Variants in SOHLH2 observed in about 807,000 individuals in gnomAD.
SOHLH2 encodes spermatogenesis and oogenesis specific basic helix-loop-helix 2.
In SOHLH2, 22 loss-of-function variants were observed where a neutral mutation model predicts 50.4. The ratio of observed to expected loss-of-function variants is 0.44; its 90% confidence interval spans 0.31 to 0.62. The LOEUF (loss-of-function observed/expected upper bound fraction) is 0.62, where lower values mean the gene tolerates loss of function less well. SOHLH2 is among the 20% of genes least tolerant of loss of function. SOHLH2 has a pLI of 0.08. For missense variants in SOHLH2, 412 were observed against 504.4 expected, an observed-to-expected ratio of 0.82 and a Z score of 1.76; for synonymous variants, 185 against 187.3, an observed-to-expected ratio of 0.99 and a Z score of 0.10.
chr13:36,168,810 CAA>C lies in SOHLH2; in HGVS notation c.*222_*223del. The C allele has an allele frequency of 1.7e-6, 1 of 593,710 alleles. No individual in the cohort carries two copies. The highest frequency in any genetic ancestry group is 2.6e-6 in the Non-Finnish European group (1 of 380,148). The allele number at this position is 593,710 out of a possible 1,614,324, so 36.8% of individuals were successfully genotyped here. ...TGTAGCTCTCTGGCTGGCGGGGATC[CAA>C]GTGTGTATGAAGATGAGTGACAGTG... On this transcript the variant is annotated 3_prime_UTR_variant, in exon 11 of 11. Coordinates refer to ENST00000379881, the MANE Select transcript of SOHLH2 (RefSeq NM_017826.3).
chr13:36,199,986 A>C (rs905873254), intron 2 of SOHLH2, among the ~76,000 whole-genome samples: 1 of 152,188 alleles, frequency 6.6e-6, no homozygotes, highest in Non-Finnish European at 1.5e-5. Flanking sequence ...GGTGAAAAAG[A>C]GGTGGTTTCA....
intron 1 of SOHLH2, among the ~76,000 whole-genome samples, chr13:36,205,478 AT>A (rs1430112229): frequency 6.6e-6 from 1 of 152,106 alleles, no homozygotes; most frequent in Non-Finnish European, 1.5e-5. Flanking sequence ...GGGTGTTGAT[AT>A]TTATTAAATG....
chr13:36,183,599 G>A (rs901666694), intron 6 of SOHLH2, among the ~76,000 whole-genome samples: 13 of 151,942 alleles, frequency 8.6e-5, no homozygotes, highest in African/African-American at 2.7e-4. Context: ...ACCTAAAACC[G>A]CACTTAACAG....
chr13:36,194,486 C>A (rs1887664943), intron 2 of SOHLH2, among the ~76,000 whole-genome samples: 1 of 151,986 alleles, frequency 6.6e-6, no homozygotes, highest in Non-Finnish European at 1.5e-5. Flanking sequence ...TTAAAATAAT[C>A]CACTGGTGGG....
intron 6 of SOHLH2, among the ~76,000 whole-genome samples, chr13:36,184,944 C>G (rs568524787): frequency 1.1e-4 from 16 of 152,168 alleles, no homozygotes; most frequent in African/African-American, 3.4e-4. Flanking sequence ...CCGACAGGCC[C>G]TGGTGTGCAA....
At chr13:36,201,846 T>C in intron 2 of SOHLH2, 33 bp downstream of exon 2, 1 of 1,607,974 alleles carries the variant, frequency 6.2e-7, no homozygotes, top group Non-Finnish European at 8.5e-7. Context: ...AAAATGATTC[T>C]AAAGATACAG....
intron 8 of SOHLH2, 37 bp from the exon 9 acceptor site, chr13:36,173,847 A>T (rs1170698293): frequency 6.2e-7 from 1 of 1,610,494 alleles, no homozygotes; most frequent in Admixed American, 1.7e-5. Context: ...CACATTTTTC[A>T]AGGAAAACAA....
At chr13:36,175,239 G>A (rs1389025721) in intron 6 of SOHLH2, among the ~76,000 whole-genome samples, 3 of 152,174 alleles carry the variant, frequency 2.0e-5, no homozygotes, top group South Asian at 4.1e-4. Context: ...TCTGCCCTCC[G>A]AGCAGAGAAT....
chr13:36,209,205 T>A (rs967778278), intron 1 of SOHLH2, among the ~76,000 whole-genome samples: 19 of 152,198 alleles, frequency 1.2e-4, no homozygotes, highest in African/African-American at 2.7e-4. Context: ...AGTATTTTTT[T>A]ATATAATTTC....
chr13:36,198,726 T>A (rs1887808045), intron 2 of SOHLH2, among the ~76,000 whole-genome samples: 1 of 152,208 alleles, frequency 6.6e-6, no homozygotes, highest in African/African-American at 2.4e-5. Flanking sequence ...GCTGCTTTCA[T>A]TTTATTCTAA....
rs567877792 is a variant in SOHLH2 at position 36,201,333 on chromosome 13, T to C, written c.263+546A>G. Among the ~76,000 whole-genome samples, 4 of 152,302 alleles carry C rather than the reference T, an allele frequency of 2.6e-5. No homozygotes were observed. The East Asian group carries it at 5.8e-4, about 22-fold the overall frequency. ...GTGTGGGAATAATGTAAGCATTGCA[T>C]ACTAAATAAATTTCTATGACAAATT... On this transcript the variant is annotated intron_variant, in intron 2 of 10. Transcript: ENST00000379881.
intron 2 of SOHLH2, among the ~76,000 whole-genome samples, chr13:36,200,074 A>C (rs1333296760): frequency 6.6e-6 from 1 of 152,200 alleles, no homozygotes; most frequent in East Asian, 1.9e-4. Flanking sequence ...TTTTGTAAAA[A>C]TGAGCCATGT....
chr13:36,196,403 G>C (rs535610065), intron 2 of SOHLH2, among the ~76,000 whole-genome samples: 25 of 152,212 alleles, frequency 1.6e-4, no homozygotes, highest in African/African-American at 5.8e-4. Flanking sequence ...TGAGATTACA[G>C]GCAAGAGCCA....
chr13:36,183,327 G>GA (rs1338721241), intron 6 of SOHLH2: 3 of 168,190 alleles, frequency 1.8e-5, no homozygotes, highest in East Asian at 1.5e-4. Context: ...ACAACAATAA[G>GA]AAAAAATGAA....
At chr13:36,212,824 A>T (rs1404925042) in intron 1 of SOHLH2, among the ~76,000 whole-genome samples, 1 of 152,224 alleles carries the variant, frequency 6.6e-6, no homozygotes, top group Non-Finnish European at 1.5e-5. Context: ...TCACCAAGAC[A>T]CTTCATCCAC....
intron 4 of SOHLH2, among the ~76,000 whole-genome samples, chr13:36,192,462 AC>A (rs1332085911): frequency 1.3e-5 from 2 of 152,136 alleles, no homozygotes; most frequent in Non-Finnish European, 2.9e-5. Context: ...TCCAGGAAGA[AC>A]CACAAGGGCT....
At chr13:36,213,626 C>T (rs1018184541) in intron 1 of SOHLH2, among the ~76,000 whole-genome samples, 2 of 152,264 alleles carry the variant, frequency 1.3e-5, no homozygotes, top group Middle Eastern at 3.4e-3. Flanking sequence ...AAAACAGTTA[C>T]AAAAGTGATT....
chr13:36,182,199 G>A (rs985870601), intron 6 of SOHLH2: 5 of 985,272 alleles, frequency 5.1e-6, no homozygotes, highest in Non-Finnish European at 2.4e-6. Context: ...TGGTAATACA[G>A]GGAAATTCAT....
At chr13:36,207,765 G>C (rs1215690743) in intron 1 of SOHLH2, among the ~76,000 whole-genome samples, 5 of 152,108 alleles carry the variant, frequency 3.3e-5, no homozygotes, top group African/African-American at 4.8e-5. Context: ...CTTTTGAGGA[G>C]TGCTGGTCAG....
Sources: gnomAD v4.1 joint callset for allele counts (sites outside exome capture counted in the v4.1 genomes callset) on GRCh38, gnomAD v4.1.1 for gene constraint, MANE v1.5 for transcripts, NCBI Gene and HGNC (gene_info 2026-07-23, HGNC 2026-07-21) for gene names.